The following ASMTL variants were observed in gnomAD, a reference collection of about 807,000 sequenced individuals.
The protein encoded by ASMTL is probable bifunctional dTTP/UTP pyrophosphatase/methyltransferase protein.
Under a neutral mutation model 60.3 loss-of-function variants are expected in ASMTL, and 57 were observed. The ratio of observed to expected loss-of-function variants is 0.95; its 90% CI spans 0.76 to 1.18. The LOEUF (loss-of-function observed/expected upper bound fraction) is 1.18. Ranked by LOEUF, ASMTL falls within the 50% of genes most tolerant of loss-of-function variation. ASMTL has a pLI of 0.00. For synonymous variants in ASMTL, 419 were observed against 373.0 expected (o/e 1.12, Z -1.42); for missense variants, 981 against 852.6 (o/e 1.15, Z -1.88).
In ASMTL at chrX:1,417,676, CAT is replaced by C. The variant is rs772265480; in HGVS notation, c.1522+295_1522+296del. 1.5e-3 allele frequency among the ~76,000 whole-genome samples: 233 copies of C among 151,628 alleles called. 1 individual carries two copies. Among genetic ancestry groups the C allele is most frequent in the African/African-American group, 1.0e-3 (43 of 41,382 alleles). The stretch of plus-strand genomic sequence containing the variant: ...ACACACACACATACTCTCACAGAAA[CAT>C]ATGCAACCACACACCAGAGACGTGC... On this transcript the variant is annotated intron_variant, in intron 11 of 12. Transcript: ENST00000381317.
chrX:1,415,817 C>A (rs1286512792), intron 11 of ASMTL, among the ~76,000 whole-genome samples: 2 of 152,172 alleles, frequency 1.3e-5, no homozygotes, highest in Non-Finnish European at 2.9e-5. Flanking sequence ...CGCAGAGAGA[C>A]ACGCACAGGC....
chrX:1,412,838 G>T lies in ASMTL; in HGVS notation c.1539C>A (p.Asp513Glu), dbSNP rs1446325809. The change falls in exon 12 of 13, where the codon GAC (aspartate) becomes GAA (glutamate). Residue 513 changes from aspartate (D) to glutamate (E), a missense_variant. Asp to Glu is a conservative substitution (Grantham distance 45). Coordinates refer to ENST00000381317, the MANE Select transcript of ASMTL (RefSeq NM_004192.4). ...CGTACAGCTCAGCGCTGGGGAGGGG[G>T]TCCCTGAAAAAGTCACCTGGTTTAA... The part of the protein sequence containing the change: ...IHFAAGDFFR[D>E]PLPSAELYVL... The T allele has an allele frequency of 8.1e-6, 13 of 1,613,816 alleles. No homozygotes were observed. Among genetic ancestry groups the T allele is most frequent in the Non-Finnish European group, 1.0e-5 (12 of 1,179,840 alleles).
At chrX:1,430,907 T>C (rs771618366) in intron 6 of ASMTL, among the ~76,000 whole-genome samples, 236 of 143,390 alleles carry the variant, frequency 1.6e-3, no homozygotes, top group Non-Finnish European at 3.1e-3. Flanking sequence ...TATATATTTA[T>C]ATAACACATA....
chrX:1,453,357 C>T (rs1161123565), upstream of ASMTL, among the ~76,000 whole-genome samples: 1 of 150,984 alleles, frequency 6.6e-6, no homozygotes, highest in Non-Finnish European at 1.5e-5. Flanking sequence ...GCCTCCCCCC[C>T]GGGCACCGCC....
chrX:1,404,744 T>C (rs756142744), intron 12 of ASMTL, among the ~76,000 whole-genome samples: 18 of 148,236 alleles, frequency 1.2e-4, no homozygotes, highest in Admixed American at 1.0e-3. Flanking sequence ...GATGGGTGAA[T>C]AGATGGTACA....
chrX:1,436,607 C>A lies in ASMTL; in HGVS notation c.274-849G>T, dbSNP rs376267573. ...GACCTTGTGATCCACCCGCCTCGGCCTCCCAAAGTGCTGGGATGACAGGGG... is the reference window on the plus strand; with the variant it reads ...GACCTTGTGATCCACCCGCCTCGGCATCCCAAAGTGCTGGGATGACAGGGG... On this transcript the variant is annotated intron_variant, in intron 3 of 12. Coordinates refer to ENST00000381317, the MANE Select transcript of ASMTL (RefSeq NM_004192.4). 1.6e-3 allele frequency among the ~76,000 whole-genome samples: 242 copies of A among 152,310 alleles called. 1 individual carries two copies. Among genetic ancestry groups the A allele is most frequent in the African/African-American group, 5.7e-3 (236 of 41,584 alleles).
chrX:1,438,933 C>T (rs540869742), intron 3 of ASMTL, 164 bp downstream of exon 3: 4 of 277,954 alleles, frequency 1.4e-5, no homozygotes, highest in Non-Finnish European at 2.2e-5. Flanking sequence ...GGCCCCTTCC[C>T]GTGCCCTTAG....
intron 1 of ASMTL, among the ~76,000 whole-genome samples, chrX:1,445,962 C>G (rs1486664930): frequency 2.0e-5 from 3 of 152,056 alleles, no homozygotes; most frequent in Non-Finnish European, 4.4e-5. Flanking sequence ...GCTCCTCCAC[C>G]TCCTGTGGAG....
At chrX:1,418,254 G>A in intron 10 of ASMTL, 138 bp from the exon 11 acceptor site, 1 of 943,206 alleles carries the variant, frequency 1.1e-6, no homozygotes, top group Non-Finnish European at 1.6e-6. Flanking sequence ...CCAGTGGTGG[G>A]GAGCTCGCTG....
Position 1,421,541 on chromosome X carries a change from C to G in ASMTL, c.1245+117G>C, listed in dbSNP as rs1428698726. 7 of 1,170,634 alleles carry G rather than the reference C, an allele frequency of 6.0e-6. No homozygotes were observed. In the African/African-American group the frequency reaches 1.1e-4, roughly 18 times the overall value. 72.5% of individuals were successfully genotyped at this position (1,170,634 alleles called of 1,614,324 possible). On this transcript the variant is annotated intron_variant, in intron 9 of 12. Transcript: ENST00000381317. Reference sequence around the variant, plus strand: ...GTTCTCCAGGCAGAACGAGCCAAGCCTTTGGGATCTGTCAGACTGGAGACA... The same window carrying G: ...GTTCTCCAGGCAGAACGAGCCAAGCGTTTGGGATCTGTCAGACTGGAGACA...
At chrX:1,412,958 AAG>A (rs72184926) in intron 11 of ASMTL, 104 bp from the exon 12 acceptor site, 363,601 of 1,279,022 alleles carry the variant, frequency 0.28, 56,022 homozygotes, top group South Asian at 0.43. Flanking sequence ...AGGGACAGAG[AAG>A]AGAGGGGTGT....
chrX:1,432,925 C>T (rs1289952650), intron 5 of ASMTL, among the ~76,000 whole-genome samples: 3 of 152,292 alleles, frequency 2.0e-5, no homozygotes, highest in Admixed American at 6.5e-5. Context: ...TGGCGAAACC[C>T]CGTCTCTACT....
At chrX:1,430,607 C>T (rs1354570002) in intron 6 of ASMTL, among the ~76,000 whole-genome samples, 1 of 151,384 alleles carries the variant, frequency 6.6e-6, no homozygotes, top group Non-Finnish European at 1.5e-5. Context: ...CCCATTGCTA[C>T]AAAAAATAGA....
chrX:1,427,636 G>T, intron 7 of ASMTL, 98 bp downstream of exon 7: 1 of 1,344,050 alleles, frequency 7.4e-7, no homozygotes, highest in Non-Finnish European at 1.0e-6. Context: ...ACCTCAGACT[G>T]CCAGCCTCCA....
intron 9 of ASMTL, among the ~76,000 whole-genome samples, chrX:1,420,223 T>A (rs1311520025): frequency 6.6e-6 from 1 of 151,728 alleles, no homozygotes; most frequent in Non-Finnish European, 1.5e-5. Flanking sequence ...TCTCTCTCCC[T>A]ATCTCACTAT....
In ASMTL at chrX:1,425,573, G is replaced by A. The variant is rs1176699595; in HGVS notation, c.1012C>T (p.Leu338Phe). The A allele has an allele frequency of 2.5e-6, 4 of 1,613,688 alleles. No homozygotes were observed. The highest frequency in any genetic ancestry group is 1.3e-5 in the African/African-American group (1 of 75,060). ...CCCATGGCAGCACAGATGTCCAGAA[G>A]CCTCTCCATTCCACACGCAGAGGCG... is the stretch of plus-strand genomic sequence containing the variant. ...VDASACGMERLLDICAAMGLL... is the reference protein window; with the variant it reads ...VDASACGMERFLDICAAMGLL... The change falls in exon 8 of 13, where the codon CTT (leucine) becomes TTT (phenylalanine). Residue 338 changes from leucine to phenylalanine, a missense_variant. Leu to Phe is a conservative substitution (Grantham distance 22). Transcript: ENST00000381317.
intron 1 of ASMTL, among the ~76,000 whole-genome samples, chrX:1,446,660 C>A (rs770061511): frequency 6.3e-4 from 96 of 152,046 alleles, no homozygotes; most frequent in Non-Finnish European, 1.3e-3. Context: ...CCACCACGCC[C>A]GGCTAATTTT....
intron 8 of ASMTL, among the ~76,000 whole-genome samples, chrX:1,422,448 T>C (rs2090507422): frequency 6.6e-6 from 1 of 152,034 alleles, no homozygotes; most frequent in South Asian, 2.1e-4. Flanking sequence ...AAGATAAATC[T>C]CCTAGGTTAT....
intron 11 of ASMTL, among the ~76,000 whole-genome samples, chrX:1,417,343 G>GTA (rs1569532273): frequency 6.6e-6 from 1 of 151,108 alleles, no homozygotes; most frequent in African/African-American, 2.4e-5. Context: ...ATATCCACAC[G>GTA]GATGCACACA....
Sources: gnomAD v4.1 joint callset for allele counts (sites outside exome capture counted in the v4.1 genomes callset) on GRCh38, gnomAD v4.1.1 for gene constraint, MANE v1.5 for transcripts, NCBI Gene and HGNC (gene_info 2026-07-23, HGNC 2026-07-21) for gene names.